Variants in AUNIP observed in about 807,000 individuals in gnomAD.
AUNIP encodes aurora kinase A- and ninein-interacting protein.
Under a neutral mutation model 12.2 loss-of-function variants are expected in AUNIP, and 16 were observed. The ratio of observed to expected loss-of-function variants is 1.31; its 90% CI spans 0.88 to 1.99. AUNIP has a LOEUF of 1.99. Ranked by LOEUF, AUNIP falls within the 30% of genes most tolerant of loss-of-function variation. The pLI is 0.00. For missense variants in AUNIP, 411 were observed against 419.1 expected, an observed-to-expected ratio of 0.98 and a Z score of 0.17; for synonymous variants, 142 against 154.8, an observed-to-expected ratio of 0.92 and a Z score of 0.61.
At chr1:25,844,605 T>C (rs1480024087) in intron 1 of AUNIP, among the ~76,000 whole-genome samples, 1 of 152,232 alleles carries the variant, frequency 6.6e-6, no homozygotes, top group Non-Finnish European at 1.5e-5. Flanking sequence ...AATTCCTTTT[T>C]TTTTTTCATG....
intron 1 of AUNIP, among the ~76,000 whole-genome samples, chr1:25,839,969 ATTCTT>A (rs753592571): frequency 1.3e-5 from 2 of 152,106 alleles, no homozygotes; most frequent in Non-Finnish European, 2.9e-5. Context: ...CCTGGCCAAT[ATTCTT>A]TAAAGACAAC....
At chr1:25,842,064 C>T (rs1045042939) in intron 1 of AUNIP, among the ~76,000 whole-genome samples, 1 of 152,130 alleles carries the variant, frequency 6.6e-6, no homozygotes, top group African/African-American at 2.4e-5. Flanking sequence ...AGGTCTCTCA[C>T]TTTAAATCAA....
In AUNIP at chr1:25,834,318, A is replaced by G. The variant is rs558563658; in HGVS notation, c.*675T>C. The G allele has an allele frequency of 6.1e-6, 6 of 985,138 alleles. No individual in the cohort carries two copies. The South Asian group carries it at 2.8e-4, about 46-fold the overall frequency. 61.0% of individuals were successfully genotyped at this position (985,138 alleles called of 1,614,324 possible). ...TGTGGGTTAAGATCAGCCAGAGATTAAAAGCTCACACATCTGGCTGGGCGC... is the reference window on the plus strand; with the variant it reads ...TGTGGGTTAAGATCAGCCAGAGATTGAAAGCTCACACATCTGGCTGGGCGC... On this transcript the variant is annotated 3_prime_UTR_variant, in exon 3 of 3. Coordinates refer to ENST00000374298, the MANE Select transcript of AUNIP (RefSeq NM_024037.3).
At chr1:25,854,592 C>T (rs2048447698) in intron 1 of AUNIP, among the ~76,000 whole-genome samples, 1 of 152,068 alleles carries the variant, frequency 6.6e-6, no homozygotes, top group African/African-American at 2.4e-5. Context: ...ATAACTGTTA[C>T]AGACATTATG....
At chr1:25,856,974 G>A (rs1404702182) in intron 1 of AUNIP, among the ~76,000 whole-genome samples, 4 of 151,958 alleles carry the variant, frequency 2.6e-5, no homozygotes, top group Non-Finnish European at 5.9e-5. Flanking sequence ...AATGAGCTGG[G>A]CTTTGTGGCA....
In AUNIP at chr1:25,859,432, C is replaced by A. The variant is rs950210771; in HGVS notation, c.-75G>T. ...CCTCAGGGAACGCCAGAACCGCGGC[C>A]GCCGACGTTCGGATCTCGCGCCAAC... is the stretch of plus-strand genomic sequence containing the variant. On this transcript the variant is annotated 5_prime_UTR_variant, in exon 1 of 3. Transcript: ENST00000374298. 2.3e-6 allele frequency: 3 copies of A among 1,329,642 alleles called. No homozygotes were observed. The highest frequency in any genetic ancestry group is 1.5e-5 in the South Asian group (1 of 66,406). The allele number at this position is 1,329,642 out of a possible 1,614,324, so 82.4% of individuals were successfully genotyped here. A position where few individuals can be genotyped will look rare whatever the true frequency, so the allele number is the denominator to read the frequency against.
intron 1 of AUNIP, among the ~76,000 whole-genome samples, chr1:25,838,209 T>C (rs992490539): frequency 1.3e-5 from 2 of 148,596 alleles, no homozygotes; most frequent in African/African-American, 2.5e-5. Flanking sequence ...ATGGCAGTTA[T>C]GAAAATTTAG....
intron 1 of AUNIP, 120 bp downstream of exon 1, chr1:25,859,160 G>A: frequency 9.3e-7 from 1 of 1,073,108 alleles, no homozygotes; most frequent in Non-Finnish European, 1.3e-6. Context: ...CCCCAACGCT[G>A]TTCCCTTCTC....
chr1:25,852,833 GT>G (rs1222259894), intron 1 of AUNIP, among the ~76,000 whole-genome samples: 2 of 151,888 alleles, frequency 1.3e-5, no homozygotes, highest in African/African-American at 4.8e-5. Flanking sequence ...TTATATTTTT[GT>G]TTTCATTTAT....
chr1:25,848,600 T>G (rs953477938), intron 1 of AUNIP, among the ~76,000 whole-genome samples: 1 of 152,198 alleles, frequency 6.6e-6, no homozygotes, highest in African/African-American at 2.4e-5. Context: ...GTTTTGTTTT[T>G]TAACCTGGGA....
chr1:25,833,526 T>TAATC (rs142887576), downstream of AUNIP, among the ~76,000 whole-genome samples: 4,676 of 152,160 alleles, frequency 0.031, 245 homozygotes, highest in African/African-American at 0.11. Flanking sequence ...CTCACACCTC[T>TAATC]AATCACAGCA....
At chr1:25,855,932 G>A (rs943842920) in intron 1 of AUNIP, among the ~76,000 whole-genome samples, 9 of 152,182 alleles carry the variant, frequency 5.9e-5, no homozygotes, top group Admixed American at 6.5e-5. Flanking sequence ...ATGGTCATAA[G>A]GTCCAGGCCT....
rs935738073 is a variant in AUNIP, at chr1:25,859,449, C to T, written c.-92G>A. ...ACCGCGGCCGCCGACGTTCGGATCT[C>T]GCGCCAACGCTGGGGGCGGGGCTAC... On this transcript the variant is annotated 5_prime_UTR_variant, in exon 1 of 3. Transcript: ENST00000374298. 29 of 1,208,484 alleles carry T rather than the reference C, an allele frequency of 2.4e-5. No homozygotes were observed. In the East Asian group the frequency reaches 9.0e-4, roughly 38 times the overall value. 74.9% of individuals were successfully genotyped at this position (1,208,484 alleles called of 1,614,324 possible). A position where few individuals can be genotyped will look rare whatever the true frequency, so the allele number is the denominator to read the frequency against.
chr1:25,842,192 T>A (rs213630), intron 1 of AUNIP, among the ~76,000 whole-genome samples: 32,727 of 152,218 alleles, frequency 0.22, 3,792 homozygotes, highest in African/African-American at 0.27. Context: ...AAGGAAATTA[T>A]AAGTGCCACT....
intron 1 of AUNIP, among the ~76,000 whole-genome samples, chr1:25,845,798 T>C: frequency 6.6e-6 from 1 of 152,328 alleles, no homozygotes; most frequent in East Asian, 1.9e-4. Flanking sequence ...ACAGCAATAG[T>C]GCTGTCAGAA....
At chr1:25,838,242 C>T (rs1257782799) in intron 1 of AUNIP, among the ~76,000 whole-genome samples, 3 of 152,130 alleles carry the variant, frequency 2.0e-5, no homozygotes, top group Non-Finnish European at 4.4e-5. Context: ...TGGTGGCTCA[C>T]ACCTGTAATC....
At chr1:25,841,736 G>A (rs1318299022) in intron 1 of AUNIP, among the ~76,000 whole-genome samples, 1 of 152,054 alleles carries the variant, frequency 6.6e-6, no homozygotes, top group Non-Finnish European at 1.5e-5. Flanking sequence ...GTGTTGGCCA[G>A]GATGGTCTCG....
chr1:25,857,409 C>G (rs1366596528), intron 1 of AUNIP, among the ~76,000 whole-genome samples: 1 of 151,276 alleles, frequency 6.6e-6, no homozygotes, highest in African/African-American at 2.4e-5. Flanking sequence ...CCACGCCCAG[C>G]AAATTTTTGT....
chr1:25,845,744 C>T (rs2048379113), intron 1 of AUNIP, among the ~76,000 whole-genome samples: 1 of 152,074 alleles, frequency 6.6e-6, no homozygotes, highest in Non-Finnish European at 1.5e-5. Context: ...GAAGGATTTC[C>T]CGTTTTCATT....
Sources: gnomAD v4.1 joint callset for allele counts (sites outside exome capture counted in the v4.1 genomes callset) on GRCh38, gnomAD v4.1.1 for gene constraint, MANE v1.5 for transcripts, NCBI Gene and HGNC (gene_info 2026-07-23, HGNC 2026-07-21) for gene names.